Variants in EXOC4 observed in about 807,000 individuals in gnomAD.
EXOC4 encodes the protein exocyst complex component 4, also known as SEC8-like 1.
Under a neutral mutation model 107.2 loss-of-function variants are expected in EXOC4, and 71 were observed. The ratio of observed to expected loss-of-function variants is 0.66; its 90% CI spans 0.55 to 0.81. The LOEUF is 0.81. Among genes scored for constraint, EXOC4 ranks in the 30% least tolerant of loss-of-function variants. The pLI is 0.00. For missense variants in EXOC4, 1,108 were observed against 1,189.6 expected (o/e 0.93, Z 1.01); for synonymous variants, 456 against 441.2 (o/e 1.03, Z -0.42).
intron 7 of EXOC4, among the ~76,000 whole-genome samples, chr7:133,381,808 G>A (rs1478120961): frequency 6.6e-6 from 1 of 152,140 alleles, no homozygotes; most frequent in Non-Finnish European, 1.5e-5. Flanking sequence ...CTCCTAAGGT[G>A]ATTCTGATAT....
chr7:134,004,972 T>C lies in EXOC4; in HGVS notation c.2409T>C (p.Ala803=), dbSNP rs1343500604. The change falls in exon 16 of 18, where the codon GCT becomes GCC. Residue 803 remains alanine, a synonymous_variant. Transcript: ENST00000253861. ...AGGAGGGGAACTATGCCATTGTGGC[T>C]AATGTGGAAAGTATGGATTATGACC... The part of the protein sequence containing the change: ...LAKEGNYAIV[A]NVESMDYDPL... 8.7e-6 allele frequency: 14 copies of C among 1,613,480 alleles called. No individual in the cohort carries two copies. The highest frequency in any genetic ancestry group is 1.2e-5 in the Non-Finnish European group (14 of 1,179,658).
chr7:133,318,710 A>T (rs923437598), intron 5 of EXOC4, among the ~76,000 whole-genome samples: 1 of 152,196 alleles, frequency 6.6e-6, no homozygotes, highest in Non-Finnish European at 1.5e-5. Flanking sequence ...ATATTTTGTT[A>T]CCTTAAAATG....
intron 14 of EXOC4, among the ~76,000 whole-genome samples, chr7:133,981,039 T>C (rs2116915832): frequency 6.6e-6 from 1 of 152,322 alleles, no homozygotes; most frequent in Admixed American, 6.5e-5. Flanking sequence ...GTGGCCACAC[T>C]TGTCCTCACT....
intron 10 of EXOC4, among the ~76,000 whole-genome samples, chr7:133,638,715 T>C (rs992219016): frequency 2.6e-5 from 4 of 152,152 alleles, no homozygotes; most frequent in Non-Finnish European, 5.9e-5. Flanking sequence ...CAGTGACTGT[T>C]AAAGGAAAAA....
intron 2 of EXOC4, 100 bp downstream of exon 2, chr7:133,275,271 A>G (rs1421441337): frequency 2.0e-6 from 2 of 998,180 alleles, no homozygotes; most frequent in African/African-American, 3.3e-5. Flanking sequence ...TCCTTAACAA[A>G]GTGATTCAAA....
At chr7:133,797,883 C>G (rs753325754) in intron 10 of EXOC4, among the ~76,000 whole-genome samples, 1 of 152,170 alleles carries the variant, frequency 6.6e-6, no homozygotes, top group Non-Finnish European at 1.5e-5. Context: ...CTCGTGGGGC[C>G]TGCTTTCCAG....
rs1348657231 is a variant in EXOC4, at chr7:133,917,679, G to A, written c.1968G>A (p.Met656Ile). ...SRLLKSLPNW[M>I]NMAQPKQLRP... is the part of the protein sequence containing the mutation. ...TCTTGAAATCTCTACCAAACTGGATGAATATGGCTCAACCCAAACAGCTGA... is the reference window on the plus strand; with the variant it reads ...TCTTGAAATCTCTACCAAACTGGATAAATATGGCTCAACCCAAACAGCTGA... Residue 656 changes from methionine to isoleucine, a missense_variant, in exon 13 of 18, where the codon ATG (methionine) becomes ATA (isoleucine). Transcript: ENST00000253861. 1 of 1,613,996 alleles carries A rather than the reference G, an allele frequency of 6.2e-7. No homozygotes were observed. The highest frequency in any genetic ancestry group is 8.5e-7 in the Non-Finnish European group (1 of 1,180,010).
At chr7:133,492,221 G>GT (rs1799385904) in intron 9 of EXOC4, among the ~76,000 whole-genome samples, 1 of 152,144 alleles carries the variant, frequency 6.6e-6, no homozygotes, top group Non-Finnish European at 1.5e-5. Context: ...GAATTCTTAG[G>GT]TGAGGTGGGA....
chr7:134,030,944 AC>A (rs1227634786), intron 17 of EXOC4, among the ~76,000 whole-genome samples: 5 of 152,070 alleles, frequency 3.3e-5, no homozygotes, highest in Non-Finnish European at 4.4e-5. Flanking sequence ...CACCACCCTG[AC>A]TGATCTCCTA....
rs142055343 is a variant in EXOC4 at position 133,277,110 on chromosome 7, C to T, written c.276+1939C>T. On this transcript the variant is annotated intron_variant, in intron 2 of 17. Coordinates refer to ENST00000253861, the MANE Select transcript of EXOC4 (RefSeq NM_021807.4). ...CCGAGTAGCTGGGATTACAGGCATG[C>T]GCCACCACGCCTGGCTATAACTGGG... Among the ~76,000 whole-genome samples the T allele has an allele frequency of 1.8e-3, 277 of 152,122 alleles. 2 individuals carry two copies. Among genetic ancestry groups the T allele is most frequent in the African/African-American group, 6.1e-3 (254 of 41,496 alleles).
chr7:133,995,586 G>T (rs548773127), intron 14 of EXOC4, among the ~76,000 whole-genome samples: 2 of 152,330 alleles, frequency 1.3e-5, no homozygotes, highest in East Asian at 3.9e-4. Flanking sequence ...GCAATGTCAT[G>T]CATCTAGGCT....
intron 10 of EXOC4, among the ~76,000 whole-genome samples, chr7:133,800,038 TCCAC>T (rs967709134): frequency 4.7e-5 from 1 of 21,410 alleles, no homozygotes; most frequent in African/African-American, 1.4e-4. Context: ...CATCCATCCA[TCCAC>T]CCACCCACCC....
At chr7:133,926,980 T>C (rs930676306) in intron 13 of EXOC4, among the ~76,000 whole-genome samples, 2 of 152,068 alleles carry the variant, frequency 1.3e-5, no homozygotes, top group Non-Finnish European at 2.9e-5. Context: ...AAATGTTCAG[T>C]GAAAAAGGAA....
rs114386615 is a variant in EXOC4 at position 133,560,755 on chromosome 7, A to G, written c.1418-69290A>G. 3.0e-3 allele frequency among the ~76,000 whole-genome samples: 457 copies of G among 152,352 alleles called. 3 individuals are homozygous for G. The highest frequency in any genetic ancestry group is 0.011 in the African/African-American group (439 of 41,588). On this transcript the variant is annotated intron_variant, in intron 9 of 17. Coordinates refer to ENST00000253861, the MANE Select transcript of EXOC4 (RefSeq NM_021807.4). ...AATAATTTAGAAAGCAAAGATGAGT[A>G]AAAGAAGAAAAAGTTTTCTTATAAT...
chr7:133,872,409 GATGTGTGTCCATATCTATCAAAAACGCAA>G (rs1207696027), intron 11 of EXOC4, among the ~76,000 whole-genome samples: 11 of 152,102 alleles, frequency 7.2e-5, no homozygotes, highest in Non-Finnish European at 1.0e-4. Flanking sequence ...CAGAGTGAGA[GATGTGTGTCCATATCTATCAAAAACGCAA>G]GCCGGGAGCT....
intron 9 of EXOC4, among the ~76,000 whole-genome samples, chr7:133,506,890 CT>C (rs955241512): frequency 1.3e-5 from 2 of 151,956 alleles, no homozygotes; most frequent in Admixed American, 6.6e-5. Context: ...AAAATAATCC[CT>C]AACACCTCTT....
At chr7:134,007,009 G>A (rs1794657264) in intron 16 of EXOC4, among the ~76,000 whole-genome samples, 1 of 152,158 alleles carries the variant, frequency 6.6e-6, no homozygotes, top group Non-Finnish European at 1.5e-5. Context: ...GTCCACAGGT[G>A]TCTCACGGGA....
chr7:133,830,535 C>T (rs1016498312), intron 11 of EXOC4, among the ~76,000 whole-genome samples: 1 of 152,162 alleles, frequency 6.6e-6, no homozygotes, highest in Non-Finnish European at 1.5e-5. Context: ...CTCTAGCTTA[C>T]GTGTTTAGGG....
At chr7:133,477,028 GT>G (rs1799031347) in intron 8 of EXOC4, among the ~76,000 whole-genome samples, 1 of 152,098 alleles carries the variant, frequency 6.6e-6, no homozygotes. Context: ...TTTTAGAACA[GT>G]TTTAGGTTTA....
Sources: gnomAD v4.1 joint callset for allele counts (sites outside exome capture counted in the v4.1 genomes callset) on GRCh38, gnomAD v4.1.1 for gene constraint, MANE v1.5 for transcripts, NCBI Gene and HGNC (gene_info 2026-07-23, HGNC 2026-07-21) for gene names.